DPP10: variants seen among roughly 807,000 people sequenced by gnomAD.
DPP10 encodes dipeptidyl peptidase like 10.
Under a neutral mutation model 120.9 loss-of-function variants are expected in DPP10, and 33 were observed. The observed-to-expected ratio is 0.27, with a 90% CI of 0.21 to 0.37. The LOEUF (loss-of-function observed/expected upper bound fraction) is 0.37. Among genes scored for constraint, DPP10 ranks in the 10% least tolerant of loss-of-function variants. The pLI is 1.00. For synonymous variants in DPP10, 337 were observed against 326.1 expected (o/e 1.03, Z -0.36); for missense variants, 816 against 942.8 (o/e 0.87, Z 1.76).
chr2:115,045,817 G>A (rs967628130), intron 1 of DPP10, among the ~76,000 whole-genome samples: 2 of 152,290 alleles, frequency 1.3e-5, no homozygotes, highest in African/African-American at 4.8e-5. Flanking sequence ...TGGTGTTGCT[G>A]TTGTGGAGTC....
At chr2:115,010,839 T>G (rs1321686042) in intron 1 of DPP10, among the ~76,000 whole-genome samples, 2 of 152,124 alleles carry the variant, frequency 1.3e-5, no homozygotes, top group Non-Finnish European at 2.9e-5. Flanking sequence ...GCCAGCAGTA[T>G]TAGTAGTGTG....
At chr2:115,018,825 G>A (rs368882550) in intron 1 of DPP10, among the ~76,000 whole-genome samples, 12 of 152,014 alleles carry the variant, frequency 7.9e-5, no homozygotes, top group South Asian at 2.1e-4. Context: ...ACAAACCTGC[G>A]CATTCTGCAC....
chr2:115,716,782 G>A (rs766239141), intron 7 of DPP10, among the ~76,000 whole-genome samples: 6 of 147,858 alleles, frequency 4.1e-5, no homozygotes, highest in Non-Finnish European at 7.4e-5. Flanking sequence ...TTATGAAGTA[G>A]TATAAAAAGT....
intron 5 of DPP10, among the ~76,000 whole-genome samples, chr2:115,681,231 A>T: frequency 6.6e-6 from 1 of 151,910 alleles, no homozygotes; most frequent in Non-Finnish European, 1.5e-5. Context: ...CGTATGCAAA[A>T]TATGTAATAA....
intron 3 of DPP10, among the ~76,000 whole-genome samples, chr2:115,378,395 A>T (rs1340996505): frequency 6.6e-6 from 1 of 151,214 alleles, no homozygotes; most frequent in Non-Finnish European, 1.5e-5. Context: ...ATTTTTGTAC[A>T]TTGATTTTGT....
chr2:115,003,422 A>G (rs1574673522), intron 1 of DPP10, among the ~76,000 whole-genome samples: 1 of 152,202 alleles, frequency 6.6e-6, no homozygotes, highest in South Asian at 2.1e-4. Context: ...TACTATGCTC[A>G]TTACATGGAT....
chr2:114,774,771 C>A (rs937249457), intron 1 of DPP10, among the ~76,000 whole-genome samples: 1 of 151,232 alleles, frequency 6.6e-6, no homozygotes, highest in African/African-American at 2.4e-5. Context: ...TAAAGCTTCA[C>A]AAGAATAAGG....
intron 1 of DPP10, among the ~76,000 whole-genome samples, chr2:114,665,507 T>C (rs1697857031): frequency 6.6e-6 from 1 of 151,876 alleles, no homozygotes; most frequent in African/African-American, 2.4e-5. Context: ...TGAGCAAAGG[T>C]GGAAGGGACC....
chr2:115,840,420 G>T (rs1442659293), intron 24 of DPP10, among the ~76,000 whole-genome samples: 3 of 143,658 alleles, frequency 2.1e-5, no homozygotes, highest in Non-Finnish European at 4.5e-5. Context: ...CCACTCCCGG[G>T]TTCACGCCAT....
intron 4 of DPP10, among the ~76,000 whole-genome samples, chr2:115,502,256 T>A (rs1013670763): frequency 6.6e-6 from 1 of 152,090 alleles, no homozygotes; most frequent in Non-Finnish European, 1.5e-5. Context: ...ATATTGGGCA[T>A]GGTTGCCAAA....
Position 115,634,136 on chromosome 2 carries a change from C to T in DPP10, c.442-55551C>T, listed in dbSNP as rs146596191. 3.6e-3 allele frequency among the ~76,000 whole-genome samples: 548 copies of T among 152,136 alleles called. 10 individuals carry two copies. Among genetic ancestry groups the T allele is most frequent in the Admixed American group, 0.017 (261 of 15,272 alleles). Reference sequence around the variant, plus strand: ...TTGTGTTGTGTTTTTCAGCTCCATCCGGTCATTTATGTTCCTCTCTAAACT... The same window carrying T: ...TTGTGTTGTGTTTTTCAGCTCCATCTGGTCATTTATGTTCCTCTCTAAACT... On this transcript the variant is annotated intron_variant, in intron 5 of 25. Coordinates refer to ENST00000410059, the MANE Select transcript of DPP10 (RefSeq NM_020868.6).
chr2:114,652,863 A>G (rs2105494510), intron 1 of DPP10, among the ~76,000 whole-genome samples: 1 of 152,034 alleles, frequency 6.6e-6, no homozygotes, highest in East Asian at 1.9e-4. Context: ...GTGTAAAACC[A>G]TCGTGCCCAG....
At chr2:115,389,698 A>G (rs913256828) in intron 3 of DPP10, among the ~76,000 whole-genome samples, 43 of 152,208 alleles carry the variant, frequency 2.8e-4, no homozygotes, top group Non-Finnish European at 4.7e-4. Flanking sequence ...CAACACGTGC[A>G]TTCTAGAGTG....
At chr2:114,799,585 G>A (rs1201632045) in intron 1 of DPP10, among the ~76,000 whole-genome samples, 2 of 152,090 alleles carry the variant, frequency 1.3e-5, no homozygotes, top group African/African-American at 2.4e-5. Context: ...CTTTTTCTGA[G>A]CAATTTAATT....
chr2:115,046,418 A>C (rs1705076820), intron 1 of DPP10, among the ~76,000 whole-genome samples: 1 of 152,196 alleles, frequency 6.6e-6, no homozygotes, highest in South Asian at 2.1e-4. Flanking sequence ...GGGCATTTTT[A>C]ATAAGAAGCA....
chr2:115,081,193 A>T (rs1385146629), intron 1 of DPP10, among the ~76,000 whole-genome samples: 1 of 152,174 alleles, frequency 6.6e-6, no homozygotes, highest in African/African-American at 2.4e-5. Context: ...GTCAATCACA[A>T]TCTTTTCAGA....
At chr2:115,275,616 T>A (rs542891355) in intron 1 of DPP10, among the ~76,000 whole-genome samples, 2 of 152,064 alleles carry the variant, frequency 1.3e-5, no homozygotes, top group East Asian at 3.9e-4. Context: ...TATATAAAAA[T>A]TATATAGAAA....
chr2:114,813,938 A>G (rs898034035), intron 1 of DPP10, among the ~76,000 whole-genome samples: 2 of 126,078 alleles, frequency 1.6e-5, no homozygotes, highest in Non-Finnish European at 3.2e-5. Context: ...AGTGGCACGC[A>G]TGAACACACA....
intron 1 of DPP10, among the ~76,000 whole-genome samples, chr2:114,534,189 A>G: frequency 6.6e-6 from 1 of 151,982 alleles, no homozygotes; most frequent in East Asian, 1.9e-4. Context: ...TTTTTGTTTC[A>G]TGTCTGCATT....
Sources: gnomAD v4.1 joint callset for allele counts (sites outside exome capture counted in the v4.1 genomes callset) on GRCh38, gnomAD v4.1.1 for gene constraint, MANE v1.5 for transcripts, NCBI Gene and HGNC (gene_info 2026-07-23, HGNC 2026-07-21) for gene names.